Variants in RPRD2 observed in about 807,000 individuals in gnomAD.
RPRD2 encodes regulation of nuclear pre-mRNA domain-containing protein 2.
Under a neutral mutation model 104.4 loss-of-function variants are expected in RPRD2, and 12 were observed. The observed-to-expected ratio is 0.11, with a 90% CI of 0.07 to 0.19. The LOEUF is 0.19. Ranked by LOEUF, RPRD2 falls within the 10% of genes least tolerant of loss-of-function variation. The pLI is 1.00. For synonymous variants in RPRD2, 714 were observed against 684.9 expected (o/e 1.04, Z -0.66); for missense variants, 1,543 against 1,790.1 (o/e 0.86, Z 2.49).
chr1:150,417,939 TTTC>T (rs1553888930), intron 2 of RPRD2, among the ~76,000 whole-genome samples: 8 of 151,598 alleles, frequency 5.3e-5, no homozygotes, highest in Non-Finnish European at 8.8e-5. Context: ...TCTTTCTTCC[TTTC>T]CTTTCCTTTC....
In RPRD2 at chr1:150,457,373, C is replaced by T. The variant is rs781865662; in HGVS notation, c.956C>T (p.Ser319Leu). Reference protein sequence around the residue: ...LKSTLPDPEESPVPSPSMDAP... With the variant: ...LKSTLPDPEELPVPSPSMDAP... The stretch of plus-strand genomic sequence containing the variant: ...TCAACCCTTCCAGATCCTGAAGAAT[C>T]ACCAGTTCCTTCCCCAAGCATGGAC... The change falls in exon 8 of 11, where the codon TCA (serine) becomes TTA (leucine). Residue 319 changes from serine to leucine, a missense_variant. Ser to Leu is a moderately radical substitution (Grantham distance 145). Coordinates refer to ENST00000369068, the MANE Select transcript of RPRD2 (RefSeq NM_015203.5). 1 of 1,611,630 alleles carries T rather than the reference C, an allele frequency of 6.2e-7. No individual in the cohort carries two copies. Among genetic ancestry groups the T allele is most frequent in the African/African-American group, 1.3e-5 (1 of 74,856 alleles).
At chr1:150,392,237 T>G (rs1483082314) in intron 1 of RPRD2, among the ~76,000 whole-genome samples, 2 of 151,416 alleles carry the variant, frequency 1.3e-5, no homozygotes, top group Admixed American at 6.6e-5. Context: ...GTGGGTGCAG[T>G]GGCTCACGCC....
chr1:150,366,045 C>T (rs1659822493), intron 1 of RPRD2, among the ~76,000 whole-genome samples: 1 of 152,068 alleles, frequency 6.6e-6, no homozygotes, highest in Admixed American at 6.6e-5. Context: ...CATTTTGCTG[C>T]TTTACTGCAG....
Position 150,417,610 on chromosome 1 carries a change from C to A in RPRD2, c.220C>A (p.Arg74Ser). ...GTCATCTCTAGCTGCATATCCCCAC[C>A]GTTTGAATCTCTTTTACCTTGCCAA... ...KWLRRSAYPH[R>S]LNLFYLANDV... The change falls in exon 2 of 11, where the codon CGT (arginine) becomes AGT (serine). Residue 74 changes from arginine (R) to serine (S), a missense_variant. Physicochemically the swap from Arg to Ser is moderately radical, Grantham distance 110 (BLOSUM62 -1). Coordinates refer to ENST00000369068, the MANE Select transcript of RPRD2 (RefSeq NM_015203.5). 6.4e-7 allele frequency: 1 copy of A among 1,574,644 alleles called. No individual in the cohort carries two copies. The highest frequency in any genetic ancestry group is 8.7e-7 in the Non-Finnish European group (1 of 1,155,358).
chr1:150,370,598 A>G (rs1198470726), intron 1 of RPRD2, among the ~76,000 whole-genome samples: 3 of 122,684 alleles, frequency 2.4e-5, no homozygotes, highest in Admixed American at 9.4e-5. Flanking sequence ...TTTTTGAGAC[A>G]TATTCTTGTT....
rs1157850480 is a variant in RPRD2 at position 150,474,541 on chromosome 1, T to G, written c.*1207T>G. ...AAAGACCATTTCTGCCCTTAGTTGTTTTACATGCAAGATAAGTGCTTTCCT... is the reference window on the plus strand; with the variant it reads ...AAAGACCATTTCTGCCCTTAGTTGTGTTACATGCAAGATAAGTGCTTTCCT... On this transcript the variant is annotated 3_prime_UTR_variant, in exon 11 of 11. Transcript: ENST00000369068. 6.6e-6 allele frequency: 1 copy of G among 152,212 alleles called. No homozygotes were observed. The highest frequency in any genetic ancestry group is 1.5e-5 in the Non-Finnish European group (1 of 68,026). 9.4% of individuals were successfully genotyped at this position (152,212 alleles called of 1,614,324 possible). A position where few individuals can be genotyped will look rare whatever the true frequency, so the allele number is the denominator to read the frequency against.
chr1:150,471,331 G>A lies in RPRD2; in HGVS notation c.2383G>A (p.Gly795Ser). 1 of 1,613,384 alleles carries A rather than the reference G, an allele frequency of 6.2e-7. No individual in the cohort carries two copies. ...SVSTYRPFGL[G>S]SESPYKQPSD... ...ATCTACATATCGACCCTTTGGTCTG[G>A]GCAGTGAATCTCCCTATAAGCAGCC... The change falls in exon 11 of 11, where the codon GGC becomes AGC. Residue 795 changes from glycine to serine, a missense_variant. Physicochemically the swap from Gly to Ser is moderately conservative, Grantham distance 56 (BLOSUM62 0). Transcript: ENST00000369068. The surrounding 1 kb of genome is among the most constrained non-coding windows in gnomAD (Gnocchi z 5.3).
chr1:150,398,404 GC>G (rs771466390), intron 1 of RPRD2, among the ~76,000 whole-genome samples: 37 of 152,042 alleles, frequency 2.4e-4, no homozygotes, highest in Middle Eastern at 3.4e-3. Flanking sequence ...CACTGTGTTA[GC>G]CAGGATGGTC....
chr1:150,374,792 C>G (rs1553879159), intron 1 of RPRD2, among the ~76,000 whole-genome samples: 1 of 151,952 alleles, frequency 6.6e-6, no homozygotes, highest in African/African-American at 2.4e-5. Flanking sequence ...TTAGATGACT[C>G]TTTCTACTTA....
chr1:150,402,406 G>C (rs1663108270), intron 1 of RPRD2, among the ~76,000 whole-genome samples: 1 of 152,166 alleles, frequency 6.6e-6, no homozygotes. Flanking sequence ...AGCCAAGTAT[G>C]GTGGCTCACG....
chr1:150,470,436 T>C (rs1668516320), intron 10 of RPRD2, 125 bp from the exon 11 acceptor site: 1 of 934,550 alleles, frequency 1.1e-6, no homozygotes, highest in African/African-American at 1.7e-5. Flanking sequence ...TGGATTCCTT[T>C]TGGCCTTACA....
At chr1:150,464,420 CAGA>C (rs1668132782) in intron 9 of RPRD2, 104 bp from the exon 10 acceptor site, 8 of 775,334 alleles carry the variant, frequency 1.0e-5, no homozygotes, top group African/African-American at 5.3e-5. Flanking sequence ...GGATCAACCA[CAGA>C]AGAATTCCTG....
intron 6 of RPRD2, 82 bp from the exon 7 acceptor site, chr1:150,446,144 G>C: frequency 1.1e-6 from 1 of 912,470 alleles, no homozygotes; most frequent in Non-Finnish European, 1.6e-6. Context: ...TTCACAAAGA[G>C]AGGTTTTCTT....
chr1:150,437,998 G>C (rs1420209578), intron 2 of RPRD2, among the ~76,000 whole-genome samples: 77 of 109,282 alleles, frequency 7.0e-4, no homozygotes, highest in Admixed American at 4.9e-3. Flanking sequence ...AAAAAAAAAA[G>C]TTGAGCCAGG....
intron 1 of RPRD2, among the ~76,000 whole-genome samples, chr1:150,394,382 A>G (rs1662328152): frequency 6.6e-6 from 1 of 152,048 alleles, no homozygotes; most frequent in Non-Finnish European, 1.5e-5. Context: ...TAATGCTGCT[A>G]TGATTGTATG....
Position 150,364,324 on chromosome 1 carries a change from CAG to C in RPRD2, c.-390_-389del, listed in dbSNP as rs1270566814. Reference sequence around the variant, plus strand: ...GACCTGGCTCACAGGAGTGTGGGAACAGGGGCGGGGAAGGGCCTTAGCACTGA... The same window carrying C: ...GACCTGGCTCACAGGAGTGTGGGAACGGGCGGGGAAGGGCCTTAGCACTGA... On this transcript the variant is annotated 5_prime_UTR_variant, in exon 1 of 11. Coordinates refer to ENST00000369068, the MANE Select transcript of RPRD2 (RefSeq NM_015203.5). Among the ~76,000 whole-genome samples the C allele has an allele frequency of 3.3e-5, 5 of 152,138 alleles. No individual in the cohort carries two copies. The highest frequency in any genetic ancestry group is 1.2e-4 in the African/African-American group (5 of 41,436).
At chr1:150,435,457 G>A (rs1362202633) in intron 2 of RPRD2, among the ~76,000 whole-genome samples, 1 of 152,222 alleles carries the variant, frequency 6.6e-6, no homozygotes, top group African/African-American at 2.4e-5. Context: ...GCCAGGTTGT[G>A]AATGCAAAGT....
chr1:150,435,435 T>A (rs1553892902), intron 2 of RPRD2, among the ~76,000 whole-genome samples: 2 of 152,136 alleles, frequency 1.3e-5, no homozygotes, highest in African/African-American at 4.8e-5. Flanking sequence ...GCTAGGCCTC[T>A]TGCACCAGTT....
intron 1 of RPRD2, among the ~76,000 whole-genome samples, chr1:150,412,020 G>A (rs1553887773): frequency 1.3e-5 from 2 of 151,076 alleles, no homozygotes; most frequent in East Asian, 3.9e-4. Flanking sequence ...CTGCTGGAGA[G>A]GCTGAGGCAC....
Sources: allele counts gnomAD v4.1 joint callset (sites outside exome capture counted in the v4.1 genomes callset), GRCh38; gene constraint gnomAD v4.1.1; non-coding constraint Gnocchi (gnomAD v3.1); transcripts MANE v1.5; gene names NCBI Gene and HGNC (gene_info 2026-07-23, HGNC 2026-07-21).